Variants in GLIPR1L2 observed in about 807,000 individuals in gnomAD.
The protein encoded by GLIPR1L2 is GLIPR1 like 2, also known as GLIPR1-like protein 2.
Under a neutral mutation model 28.4 loss-of-function variants are expected in GLIPR1L2, and 21 were observed. That is an observed-to-expected ratio of 0.74 (90% confidence interval 0.52 to 1.06). The LOEUF (loss-of-function observed/expected upper bound fraction) is 1.06. GLIPR1L2 is among the 50% of genes least tolerant of loss of function. The pLI, the probability that GLIPR1L2 is intolerant of heterozygous loss-of-function variation, is 0.00. For synonymous variants in GLIPR1L2, 145 were observed against 139.3 expected, an observed-to-expected ratio of 1.04 and a Z score of -0.29; for missense variants, 476 against 416.9, an observed-to-expected ratio of 1.14 and a Z score of -1.23.
chr12:75,403,632 C>T (rs1184247621), intron 1 of GLIPR1L2, among the ~76,000 whole-genome samples: 1 of 152,158 alleles, frequency 6.6e-6, no homozygotes, highest in Non-Finnish European at 1.5e-5. Context: ...TCTCTGCACA[C>T]TGGCTCCTCT....
chr12:75,400,079 AC>A (rs1366042813), intron 1 of GLIPR1L2, among the ~76,000 whole-genome samples: 1 of 152,154 alleles, frequency 6.6e-6, no homozygotes, highest in African/African-American at 2.4e-5. Flanking sequence ...AGAATACCAT[AC>A]ACCTGTGGGG....
intron 1 of GLIPR1L2, among the ~76,000 whole-genome samples, chr12:75,406,506 C>T (rs575970012): frequency 2.0e-5 from 3 of 152,008 alleles, no homozygotes; most frequent in Non-Finnish European, 4.4e-5. Flanking sequence ...CCTGTAATCC[C>T]AACACTTTGG....
chr12:75,427,949 T>C (rs2046051157), intron 4 of GLIPR1L2, among the ~76,000 whole-genome samples: 1 of 152,206 alleles, frequency 6.6e-6, no homozygotes, highest in Non-Finnish European at 1.5e-5. Flanking sequence ...CAGTCTCAGG[T>C]AGTTCTTTTT....
chr12:75,430,773 A>G (rs1439526103), intron 5 of GLIPR1L2, 32 bp downstream of exon 5: 1 of 1,534,566 alleles, frequency 6.5e-7, no homozygotes. Context: ...TTCTTGAACA[A>G]TTGAACTGCT....
chr12:75,423,636 G>C (rs1404927930), intron 4 of GLIPR1L2: 3 of 224,522 alleles, frequency 1.3e-5, no homozygotes, highest in Non-Finnish European at 2.2e-5. Context: ...TTGTTACATA[G>C]GTATATACAT....
In GLIPR1L2 at chr12:75,420,513, C is replaced by T. The variant is rs559916927; in HGVS notation, c.585-2391C>T. 1.7e-4 allele frequency among the ~76,000 whole-genome samples: 26 copies of T among 152,192 alleles called. 1 individual carries two copies. The South Asian group carries it at 5.2e-3, about 30-fold the overall frequency. ...GGTAGCATTGTACTGAGGCTATGGC[C>T]AGATAGAGGCTAAGAAAAGTTCTAG... On this transcript the variant is annotated intron_variant, in intron 3 of 5. Coordinates refer to ENST00000550916, the MANE Select transcript of GLIPR1L2 (RefSeq NM_001270396.2).
chr12:75,418,168 T>G (rs560335862), intron 3 of GLIPR1L2, among the ~76,000 whole-genome samples: 5 of 152,278 alleles, frequency 3.3e-5, no homozygotes, highest in Admixed American at 3.3e-4. Context: ...TGAGGGTCAA[T>G]AAGTAGATCC....
intron 2 of GLIPR1L2, among the ~76,000 whole-genome samples, chr12:75,411,617 C>G (rs1256040669): frequency 6.6e-6 from 1 of 151,840 alleles, no homozygotes; most frequent in Non-Finnish European, 1.5e-5. Context: ...TACTCCCTAA[C>G]ATAGTACTCT....
At chr12:75,404,335 T>C (rs902667325) in intron 1 of GLIPR1L2, among the ~76,000 whole-genome samples, 9 of 152,128 alleles carry the variant, frequency 5.9e-5, no homozygotes, top group Admixed American at 5.9e-4. Flanking sequence ...TCAACAAGTC[T>C]TATATAAATT....
At position 75,406,150 on chromosome 12, in the gene GLIPR1L2, T is replaced by TAA. The variant is rs35803723; in HGVS notation, c.235-4276_235-4275dup. ...TTTTAAAAGAGCTAAGGTCTTTTTT[T>TAA]AAAAAAAAATTATGTTACCCCCATA... On this transcript the variant is annotated intron_variant, in intron 1 of 5. Transcript: ENST00000550916. Among the ~76,000 whole-genome samples the TAA allele has an allele frequency of 4.0e-5, 6 of 151,162 alleles. 1 individual carries two copies. In the East Asian group the frequency reaches 5.9e-4, roughly 15 times the overall value.
chr12:75,406,017 A>G (rs1208185971), intron 1 of GLIPR1L2, among the ~76,000 whole-genome samples: 1 of 144,918 alleles, frequency 6.9e-6, no homozygotes, highest in Non-Finnish European at 1.5e-5. Flanking sequence ...TTTTGCTTTT[A>G]AAGTAATCGA....
At chr12:75,422,296 T>A (rs375248541) in intron 3 of GLIPR1L2, among the ~76,000 whole-genome samples, 14 of 146,732 alleles carry the variant, frequency 9.5e-5, no homozygotes, top group African/African-American at 2.8e-4. Context: ...CCACCCAGCC[T>A]ACATCATTCT....
At chr12:75,425,756 C>A (rs2046028071) in intron 4 of GLIPR1L2, among the ~76,000 whole-genome samples, 1 of 151,820 alleles carries the variant, frequency 6.6e-6, no homozygotes, top group Admixed American at 6.6e-5. Flanking sequence ...GGGCTAGAGA[C>A]AATGATGGGA....
intron 1 of GLIPR1L2, among the ~76,000 whole-genome samples, chr12:75,404,945 A>G (rs149141256): frequency 6.6e-5 from 10 of 152,314 alleles, no homozygotes; most frequent in Non-Finnish European, 1.2e-4. Context: ...ATTTTTAAAC[A>G]TAAGTTTAAG....
chr12:75,413,004 A>G (rs1367739746), intron 2 of GLIPR1L2, among the ~76,000 whole-genome samples: 2 of 152,026 alleles, frequency 1.3e-5, no homozygotes, highest in Non-Finnish European at 2.9e-5. Flanking sequence ...ACCATGGAAT[A>G]CTATGCAGCC....
intron 4 of GLIPR1L2, among the ~76,000 whole-genome samples, chr12:75,427,753 A>G (rs1230681305): frequency 6.6e-6 from 1 of 152,108 alleles, no homozygotes; most frequent in Non-Finnish European, 1.5e-5. Context: ...TGCTGTTCTC[A>G]TGATAGTGAG....
intron 3 of GLIPR1L2, among the ~76,000 whole-genome samples, chr12:75,421,773 T>C (rs1349221709): frequency 3.3e-5 from 5 of 152,122 alleles, no homozygotes; most frequent in Admixed American, 1.3e-4. Context: ...TAAACTCCCA[T>C]TTATATTTAT....
intron 3 of GLIPR1L2, among the ~76,000 whole-genome samples, chr12:75,422,663 C>T (rs976388557): frequency 6.6e-6 from 1 of 152,112 alleles, no homozygotes; most frequent in Non-Finnish European, 1.5e-5. Context: ...AGCTTTAAAA[C>T]CGATTCTTAT....
chr12:75,404,021 C>G (rs2045770763), intron 1 of GLIPR1L2, among the ~76,000 whole-genome samples: 4 of 152,142 alleles, frequency 2.6e-5, no homozygotes, highest in Non-Finnish European at 5.9e-5. Flanking sequence ...GCCTTAAAGG[C>G]TTTTCCATAA....
Sources: gnomAD v4.1 joint callset for allele counts (sites outside exome capture counted in the v4.1 genomes callset) on GRCh38, gnomAD v4.1.1 for gene constraint, MANE v1.5 for transcripts, NCBI Gene and HGNC (gene_info 2026-07-23, HGNC 2026-07-21) for gene names.